Variants in NUP98 observed in about 807,000 individuals in gnomAD.
NUP98 encodes nuclear pore complex protein Nup98-Nup96.
NUP98 carries 26 observed loss-of-function variants against 191.9 expected under a neutral mutation model. The observed-to-expected ratio is 0.14, with a 90% CI of 0.10 to 0.19. NUP98 has a LOEUF of 0.19. Among genes scored for constraint, NUP98 ranks in the 10% least tolerant of loss-of-function variants. The pLI is 1.00. For missense variants in NUP98, 1,941 were observed against 2,178.8 expected (o/e 0.89, Z 2.17); for synonymous variants, 808 against 778.4 (o/e 1.04, Z -0.63).
At chr11:3,701,249 G>C (rs957676758) in intron 23 of NUP98, among the ~76,000 whole-genome samples, 3 of 143,092 alleles carry the variant, frequency 2.1e-5, no homozygotes, top group African/African-American at 2.7e-5. Flanking sequence ...AGCTAGGCTT[G>C]TTCCAATTTT....
intron 14 of NUP98, among the ~76,000 whole-genome samples, chr11:3,726,059 C>T (rs2079606278): frequency 6.6e-6 from 1 of 152,154 alleles, no homozygotes; most frequent in Non-Finnish European, 1.5e-5. Flanking sequence ...GAGCACTGTA[C>T]TCATTCACTA....
chr11:3,709,565 C>A (rs1021155350), intron 20 of NUP98, among the ~76,000 whole-genome samples: 10 of 151,226 alleles, frequency 6.6e-5, no homozygotes, highest in Non-Finnish European at 1.3e-4. Context: ...AATTAGCTGG[C>A]ATGATGGCAT....
intron 4 of NUP98, among the ~76,000 whole-genome samples, chr11:3,777,592 GC>G (rs1190484918): frequency 7.4e-6 from 1 of 135,766 alleles, no homozygotes; most frequent in Admixed American, 8.2e-5. Flanking sequence ...CTGCACTCCA[GC>G]CCGGGTAACA....
intron 11 of NUP98, among the ~76,000 whole-genome samples, chr11:3,749,449 ACC>A (rs2080655720): frequency 6.6e-6 from 1 of 152,160 alleles, no homozygotes; most frequent in South Asian, 2.1e-4. Flanking sequence ...ACATGGTGAA[ACC>A]CCATCTCTAA....
Position 3,700,800 on chromosome 11 carries a change from G to A in NUP98, c.3552C>T (p.Leu1184=). The A allele has an allele frequency of 1.2e-6, 2 of 1,614,044 alleles. No individual in the cohort carries two copies. The highest frequency in any genetic ancestry group is 1.7e-6 in the Non-Finnish European group (2 of 1,179,984). ...ESPFKVHLEK[L]SLRQRKPDED... ...CATCTGGCTTTCTTTGTCTCAAACT[G>A]AGTTTTTCTAAGTGAACTTTGAATG... The change falls in exon 24 of 33, where the codon CTC becomes CTT. Residue 1184 remains leucine (L), a synonymous_variant. Coordinates refer to ENST00000324932, the MANE Select transcript of NUP98 (RefSeq NM_016320.5).
chr11:3,772,358 C>G (rs1179695692), intron 6 of NUP98, among the ~76,000 whole-genome samples: 2 of 152,122 alleles, frequency 1.3e-5, no homozygotes, highest in East Asian at 1.9e-4. Context: ...CCTGGCACAG[C>G]CCAATAAAGT....
chr11:3,716,996 T>G (rs1411951289), intron 18 of NUP98, among the ~76,000 whole-genome samples: 1 of 152,132 alleles, frequency 6.6e-6, no homozygotes, highest in Non-Finnish European at 1.5e-5. Context: ...GTACTGACAT[T>G]TTAACAATAT....
intron 12 of NUP98, among the ~76,000 whole-genome samples, chr11:3,735,925 T>TACAC (rs34958738): frequency 1.3e-5 from 2 of 150,636 alleles, no homozygotes; most frequent in African/African-American, 4.9e-5. Flanking sequence ...TTTGTGCGTG[T>TACAC]ACACACACAC....
chr11:3,794,757 G>A lies in NUP98; in HGVS notation c.-29+2643C>T, dbSNP rs73430461. ...AGCCTCCTAAGTAGCTGGAGTACAG[G>A]TGCATGCCACCATACCTGCCTAATT... is the stretch of plus-strand genomic sequence containing the variant. On this transcript the variant is annotated intron_variant, in intron 1 of 32. Transcript: ENST00000324932. Among the ~76,000 whole-genome samples, 502 of 152,074 alleles carry A rather than the reference G, an allele frequency of 3.3e-3. 2 individuals carry two copies. The highest frequency in any genetic ancestry group is 0.012 in the African/African-American group (490 of 41,478).
At chr11:3,773,544 T>G (rs2081603747) in intron 6 of NUP98, 88 bp downstream of exon 6, 1 of 800,122 alleles carries the variant, frequency 1.2e-6, no homozygotes, top group Non-Finnish European at 2.0e-6. Context: ...AACCACTCTA[T>G]CCTAAAGAAA....
chr11:3,780,852 G>C (rs1452849334), intron 2 of NUP98, among the ~76,000 whole-genome samples: 1 of 151,866 alleles, frequency 6.6e-6, no homozygotes, highest in African/African-American at 2.4e-5. Context: ...GGCCGAGGCG[G>C]GCAGATTGCT....
chr11:3,786,422 C>T (rs893403053), intron 1 of NUP98, among the ~76,000 whole-genome samples: 1 of 152,116 alleles, frequency 6.6e-6, no homozygotes, highest in Non-Finnish European at 1.5e-5. Flanking sequence ...TAACCTTTCT[C>T]CTTTTTTTCT....
At chr11:3,676,664 A>C in intron 31 of NUP98, 44 bp from the exon 32 acceptor site, 1 of 1,384,180 alleles carries the variant, frequency 7.2e-7, no homozygotes, top group Non-Finnish European at 1.0e-6. Flanking sequence ...GGGAGTTCCT[A>C]TCACTCCAAT....
chr11:3,720,684 A>C (rs367671814), intron 17 of NUP98, 28 bp downstream of exon 17: 132 of 1,197,932 alleles, frequency 1.1e-4, no homozygotes, highest in Non-Finnish European at 1.5e-4. Flanking sequence ...TCTCTGGCTT[A>C]ATCACTAAGT....
rs1193225807 is a variant in NUP98 at position 3,694,682 on chromosome 11, G to T, written c.4167+767C>A. Among the ~76,000 whole-genome samples the T allele has an allele frequency of 8.6e-5, 13 of 151,786 alleles. No individual in the cohort carries two copies. The East Asian group carries it at 2.5e-3, about 30-fold the overall frequency. On this transcript the variant is annotated intron_variant, in intron 26 of 32. Transcript: ENST00000324932. ...GTGAACTTGGGAGGCGGAGCTTGCAGTAAGCCCAGATCGTGCCACTGCACT... is the reference window on the plus strand; with the variant it reads ...GTGAACTTGGGAGGCGGAGCTTGCATTAAGCCCAGATCGTGCCACTGCACT...
intron 28 of NUP98, among the ~76,000 whole-genome samples, chr11:3,689,955 T>A (rs2078257646): frequency 6.8e-6 from 1 of 146,662 alleles, no homozygotes; most frequent in Non-Finnish European, 1.5e-5. Flanking sequence ...TTTTTTTTTT[T>A]TTTTTTTTTT....
At chr11:3,686,905 G>C (rs1010729856) in intron 28 of NUP98, among the ~76,000 whole-genome samples, 1 of 152,016 alleles carries the variant, frequency 6.6e-6, no homozygotes, top group African/African-American at 2.4e-5. Context: ...AAGAACTGCT[G>C]GAACCCAGGA....
intron 8 of NUP98, 53 bp downstream of exon 8, chr11:3,768,528 T>C (rs200288105): frequency 9.1e-6 from 13 of 1,432,628 alleles, no homozygotes; most frequent in Non-Finnish European, 1.2e-5. Context: ...AGAATCCTCA[T>C]TACTTAACTC....
chr11:3,784,972 T>C (rs999483139), intron 1 of NUP98, among the ~76,000 whole-genome samples: 13 of 151,850 alleles, frequency 8.6e-5, no homozygotes, highest in Non-Finnish European at 1.6e-4. Context: ...CCCCCGTCTC[T>C]ACTAAAAATA....
Sources: allele counts gnomAD v4.1 joint callset (sites outside exome capture counted in the v4.1 genomes callset), GRCh38; gene constraint gnomAD v4.1.1; transcripts MANE v1.5; gene names NCBI Gene and HGNC (gene_info 2026-07-23, HGNC 2026-07-21).